MYCT1: variants seen among roughly 807,000 people sequenced by gnomAD.
MYCT1 encodes myc target protein 1.
Under a neutral mutation model 15.0 loss-of-function variants are expected in MYCT1, and 12 were observed. That is an observed-to-expected ratio of 0.80 (90% confidence interval 0.51 to 1.29). MYCT1 has a LOEUF of 1.29. Ranked by LOEUF, MYCT1 falls within the 50% of genes most tolerant of loss-of-function variation. MYCT1 has a pLI of 0.00. For synonymous variants in MYCT1, 104 were observed against 102.7 expected, an observed-to-expected ratio of 1.01 and a Z score of -0.07; for missense variants, 287 against 279.1, an observed-to-expected ratio of 1.03 and a Z score of -0.20.
At chr6:152,704,963 G>A (rs2099722002) in intron 1 of MYCT1, among the ~76,000 whole-genome samples, 1 of 152,218 alleles carries the variant, frequency 6.6e-6, no homozygotes, top group South Asian at 2.1e-4. Flanking sequence ...CCAAGCTCCT[G>A]CGCAACTGAA....
the MYCT1 span, among the ~76,000 whole-genome samples, chr6:152,732,267 CAG>C: frequency 6.6e-6 from 1 of 152,088 alleles, no homozygotes. Context: ...CTCGGCCTAA[CAG>C]ATATTAAACT....
the MYCT1 span, among the ~76,000 whole-genome samples, chr6:152,734,626 T>G: frequency 6.6e-6 from 1 of 152,210 alleles, no homozygotes; most frequent in African/African-American, 2.4e-5. Flanking sequence ...AAATTCTCAT[T>G]GGAAAAGACA....
chr6:152,717,291 T>C (rs1367975391), intron 1 of MYCT1, among the ~76,000 whole-genome samples: 1 of 152,224 alleles, frequency 6.6e-6, no homozygotes, highest in African/African-American at 2.4e-5. Flanking sequence ...CTTAAGAAGA[T>C]AGATAAGTAT....
At chr6:152,740,837 T>C in the MYCT1 span, among the ~76,000 whole-genome samples, 2 of 152,168 alleles carry the variant, frequency 1.3e-5, no homozygotes, top group African/African-American at 4.8e-5. Flanking sequence ...TCTTTAGCCA[T>C]AAGCACATTC....
chr6:152,703,653 C>A (rs1484014307), intron 1 of MYCT1, among the ~76,000 whole-genome samples: 2 of 152,018 alleles, frequency 1.3e-5, no homozygotes, highest in African/African-American at 4.8e-5. Flanking sequence ...ATATAAGGTG[C>A]ATAAAAATGA....
chr6:152,723,399 T>C lies in MYCT1; in HGVS notation c.*1146T>C, dbSNP rs878924126. On this transcript the variant is annotated 3_prime_UTR_variant, in exon 2 of 2. Transcript: ENST00000367245. ...TTTCTTAAGGGAAAAATTTTCTTTC[T>C]TAAACTTACATCTAGCAACTTGGAA... is the stretch of plus-strand genomic sequence containing the variant. The C allele has an allele frequency of 1.3e-5, 2 of 152,252 alleles. No individual in the cohort carries two copies. Among genetic ancestry groups the C allele is most frequent in the South Asian group, 4.1e-4 (2 of 4,834 alleles). 9.4% of individuals were successfully genotyped at this position (152,252 alleles called of 1,614,324 possible).
In MYCT1 at chr6:152,722,428, T is replaced by C. The variant is rs906989868; in HGVS notation, c.*175T>C. ...GTAAAACACATTTTCTTCAAACACG[T>C]TTTCCCTTTTGTTTCAAAAAATGTA... On this transcript the variant is annotated 3_prime_UTR_variant, in exon 2 of 2. Coordinates refer to ENST00000367245, the MANE Select transcript of MYCT1 (RefSeq NM_025107.3). The C allele has an allele frequency of 5.0e-6, 3 of 602,560 alleles. No homozygotes were observed. The African/African-American group carries it at 5.6e-5, about 11-fold the overall frequency. The allele number at this position is 602,560 out of a possible 1,614,324, so 37.3% of individuals were successfully genotyped here.
In MYCT1 at chr6:152,722,083, A is replaced by G. The variant is rs2099724812; in HGVS notation, c.538A>G (p.Thr180Ala). 1 of 1,613,990 alleles carries G rather than the reference A, an allele frequency of 6.2e-7. No homozygotes were observed. The highest frequency in any genetic ancestry group is 8.5e-7 in the Non-Finnish European group (1 of 1,180,026). The change falls in exon 2 of 2, where the codon ACT (threonine) becomes GCT (alanine). Residue 180 changes from threonine (T) to alanine (A), a missense_variant. Physicochemically the swap from Thr to Ala is moderately conservative, Grantham distance 58. Transcript: ENST00000367245. ...FLQCPPLPVE[T>A]ESQLVTLPSS... ...GCAATGTCCACCACTTCCTGTGGAA[A>G]CTGAGAGTCAGCTGGTGACTCTCCC...
At chr6:152,725,744 AC>A (rs1310327484), downstream of MYCT1, among the ~76,000 whole-genome samples, 7 of 152,208 alleles carry the variant, frequency 4.6e-5, no homozygotes, top group Non-Finnish European at 1.0e-4. Flanking sequence ...CACTAGGCAG[AC>A]CACGAAGTCT....
chr6:152,728,292 G>A (rs1339806057), downstream of MYCT1, among the ~76,000 whole-genome samples: 1 of 152,180 alleles, frequency 6.6e-6, no homozygotes, highest in Non-Finnish European at 1.5e-5. Flanking sequence ...GGCAATGGGT[G>A]CCATTAAGTA....
At position 152,722,604 on chromosome 6, in the gene MYCT1, C is replaced by A. The variant is rs1193019668; in HGVS notation, c.*351C>A. On this transcript the variant is annotated 3_prime_UTR_variant, in exon 2 of 2. Transcript: ENST00000367245. ...TCAGATATTTGTGGATTACAATCCT[C>A]ATTTACTTCCAATGTGACTAAAAAG... The A allele has an allele frequency of 4.3e-6, 1 of 232,108 alleles. No homozygotes were observed. Among genetic ancestry groups the A allele is most frequent in the Non-Finnish European group, 8.8e-6 (1 of 113,838 alleles). The allele number at this position is 232,108 out of a possible 1,614,324, so 14.4% of individuals were successfully genotyped here.
At position 152,722,229 on chromosome 6, in the gene MYCT1, C is replaced by T; in HGVS notation, c.684C>T (p.Ile228=). Residue 228 remains isoleucine, a synonymous_variant, in exon 2 of 2, where the codon ATC becomes ATT. Coordinates refer to ENST00000367245, the MANE Select transcript of MYCT1 (RefSeq NM_025107.3). ...CGCCCCCACCTGCCTATGAGTCCAT[C>T]ATCAAGGCATTCCCAGATTCCTGAG... ...STPPPPAYES[I]IKAFPDS The T allele has an allele frequency of 6.2e-7, 1 of 1,612,712 alleles. No individual in the cohort carries two copies. The highest frequency in any genetic ancestry group is 1.7e-5 in the Admixed American group (1 of 59,924).
the MYCT1 span, among the ~76,000 whole-genome samples, chr6:152,735,339 T>C: frequency 1.0e-2 from 1,522 of 152,316 alleles, 28 homozygotes; most frequent in African/African-American, 0.035. Context: ...TTGGTTTGAA[T>C]TGGTAGAACC....
At chr6:152,746,264 C>G in the MYCT1 span, among the ~76,000 whole-genome samples, 1 of 152,160 alleles carries the variant, frequency 6.6e-6, no homozygotes, top group Admixed American at 6.5e-5. Flanking sequence ...CCCAACACCC[C>G]GGCAGACGCC....
rs186830884 is a variant in MYCT1 at position 152,717,280 on chromosome 6, G to A, written c.197-4462G>A. On this transcript the variant is annotated intron_variant, in intron 1 of 1. Transcript: ENST00000367245. ...GCCTTTGCTGTTTGGACTTAAGGGA[G>A]CTTAAGAAGATAGATAAGTATTTTA... Among the ~76,000 whole-genome samples, 3 of 152,280 alleles carry A rather than the reference G, an allele frequency of 2.0e-5. No individual in the cohort carries two copies. The East Asian group carries it at 5.8e-4, about 29-fold the overall frequency.
chr6:152,722,853 CT>C lies in MYCT1; in HGVS notation c.*602del. Reference sequence around the variant, plus strand: ...TCCCAGGCTCAAGTAATCCTCCCATCTTAGTGCCCCAAGTAGCTGGGACTAC... The same window carrying C: ...TCCCAGGCTCAAGTAATCCTCCCATCTAGTGCCCCAAGTAGCTGGGACTAC... On this transcript the variant is annotated 3_prime_UTR_variant, in exon 2 of 2. Transcript: ENST00000367245. 3.7e-6 allele frequency: 1 copy of C among 272,078 alleles called. No individual in the cohort carries two copies. Among genetic ancestry groups the C allele is most frequent in the Non-Finnish European group, 7.3e-6 (1 of 137,754 alleles). The allele number at this position is 272,078 out of a possible 1,614,324, so 16.9% of individuals were successfully genotyped here.
intron 1 of MYCT1, among the ~76,000 whole-genome samples, chr6:152,720,574 CT>C (rs2099724520): frequency 1.3e-5 from 2 of 152,168 alleles, no homozygotes; most frequent in African/African-American, 4.8e-5. Context: ...ATGTAGGAGT[CT>C]TTACTGAAGA....
At chr6:152,725,377 C>G (rs188092141), downstream of MYCT1, among the ~76,000 whole-genome samples, 176 of 152,258 alleles carry the variant, frequency 1.2e-3, 2 homozygotes, top group Non-Finnish European at 4.4e-5. Flanking sequence ...TAAAATACTG[C>G]ATGTTACTAC....
chr6:152,720,784 G>A (rs768867330), intron 1 of MYCT1, among the ~76,000 whole-genome samples: 2 of 152,120 alleles, frequency 1.3e-5, no homozygotes, highest in Non-Finnish European at 2.9e-5. Context: ...TTTGATCATG[G>A]AGGGGAAATG....
Sources: gnomAD v4.1 joint callset for allele counts (sites outside exome capture counted in the v4.1 genomes callset) on GRCh38, gnomAD v4.1.1 for gene constraint, MANE v1.5 for transcripts, NCBI Gene and HGNC (gene_info 2026-07-23, HGNC 2026-07-21) for gene names.